CDKAL1: variants seen among roughly 807,000 people sequenced by gnomAD.
CDKAL1 encodes CDKAL1 threonylcarbamoyladenosine tRNA methylthiotransferase, also known as threonylcarbamoyladenosine tRNA methylthiotransferase.
CDKAL1 carries 32 observed loss-of-function variants against 68.2 expected under a neutral mutation model. That is an observed-to-expected ratio of 0.47 (90% confidence interval 0.35 to 0.63). The LOEUF (loss-of-function observed/expected upper bound fraction) is 0.63, where lower values mean the gene tolerates loss of function less well. Ranked by LOEUF, CDKAL1 falls within the 30% of genes least tolerant of loss-of-function variation. CDKAL1 has a pLI of 0.00. For missense variants in CDKAL1, 606 were observed against 696.7 expected (o/e 0.87, Z 1.47); for synonymous variants, 234 against 244.3 (o/e 0.96, Z 0.39).
At chr6:20,754,438 A>G (rs1322947225) in intron 6 of CDKAL1, among the ~76,000 whole-genome samples, 4 of 152,196 alleles carry the variant, frequency 2.6e-5, no homozygotes, top group Non-Finnish European at 4.4e-5. Flanking sequence ...AGTCATCACC[A>G]CTATCCATCT....
intron 4 of CDKAL1, among the ~76,000 whole-genome samples, chr6:20,603,846 G>A (rs12213940): frequency 0.13 from 17,701 of 135,426 alleles, 1,227 homozygotes; most frequent in Middle Eastern, 0.25. Flanking sequence ...GTGTGATACC[G>A]GCTCACTGCA....
At chr6:20,740,275 G>A (rs1285594905) in intron 6 of CDKAL1, among the ~76,000 whole-genome samples, 1 of 151,976 alleles carries the variant, frequency 6.6e-6, no homozygotes, top group East Asian at 1.9e-4. Flanking sequence ...AGTGTTTGTT[G>A]ATTGCCTGAA....
chr6:20,657,019 T>C (rs529354174), intron 5 of CDKAL1, among the ~76,000 whole-genome samples: 4 of 152,322 alleles, frequency 2.6e-5, no homozygotes, highest in East Asian at 3.9e-4. Flanking sequence ...ACAGTTAACA[T>C]TGGGAAAATA....
intron 7 of CDKAL1, among the ~76,000 whole-genome samples, chr6:20,779,926 A>G (rs1183996269): frequency 2.6e-5 from 4 of 151,844 alleles, no homozygotes; most frequent in African/African-American, 7.3e-5. Context: ...TTTATAGGCT[A>G]TGGGATATAC....
intron 5 of CDKAL1, among the ~76,000 whole-genome samples, chr6:20,653,812 C>T (rs1349109000): frequency 6.6e-6 from 1 of 152,130 alleles, no homozygotes; most frequent in African/African-American, 2.4e-5. Flanking sequence ...GGAGTTTCAC[C>T]ATGTTGGCCA....
intron 9 of CDKAL1, among the ~76,000 whole-genome samples, chr6:20,866,608 G>A (rs1759922684): frequency 6.6e-6 from 1 of 152,148 alleles, no homozygotes; most frequent in Non-Finnish European, 1.5e-5. Context: ...TTTAAGGCCA[G>A]GAGTTAGTGG....
intron 10 of CDKAL1, 65 bp downstream of exon 10, chr6:20,955,650 C>T: frequency 7.1e-7 from 1 of 1,407,400 alleles, no homozygotes; most frequent in Non-Finnish European, 9.8e-7. Context: ...GTGTGGCAGC[C>T]TCAGTATCAT....
chr6:20,981,869 C>G (rs1343995777), intron 10 of CDKAL1, among the ~76,000 whole-genome samples: 1 of 152,074 alleles, frequency 6.6e-6, no homozygotes, highest in African/African-American at 2.4e-5. Context: ...TTGATGGTCC[C>G]CATCACTCTC....
At chr6:20,643,316 A>C (rs371779324) in intron 4 of CDKAL1, among the ~76,000 whole-genome samples, 14 of 152,248 alleles carry the variant, frequency 9.2e-5, no homozygotes, top group East Asian at 7.7e-4. Context: ...AGAAGGTGTT[A>C]ACCTCTTAGC....
rs772301646 is a variant in CDKAL1, at chr6:20,792,397, T to C, written c.638+11132T>C. On this transcript the variant is annotated intron_variant, in intron 8 of 15. Coordinates refer to ENST00000274695, the MANE Select transcript of CDKAL1 (RefSeq NM_017774.3). ...CCTTTGTGATTTGTAATGTATATTT[T>C]TGTGGTTCTTTTTAGGTTAACCTTA... Among the ~76,000 whole-genome samples, 222 of 152,330 alleles carry C rather than the reference T, an allele frequency of 1.5e-3. 2 individuals carry two copies. The highest frequency in any genetic ancestry group is 3.4e-3 in the Middle Eastern group (1 of 294).
At chr6:20,630,379 C>T (rs1767622471) in intron 4 of CDKAL1, among the ~76,000 whole-genome samples, 2 of 152,116 alleles carry the variant, frequency 1.3e-5, no homozygotes, top group Admixed American at 1.3e-4. Context: ...AGCTCAGCCA[C>T]CTGCTTTTAT....
intron 4 of CDKAL1, among the ~76,000 whole-genome samples, chr6:20,623,714 T>G (rs1251018518): frequency 6.6e-6 from 1 of 152,254 alleles, no homozygotes; most frequent in East Asian, 1.9e-4. Context: ...AATAGCAGTA[T>G]GCAGTAGACC....
chr6:20,769,032 G>A (rs763669877), intron 7 of CDKAL1, among the ~76,000 whole-genome samples: 7 of 151,976 alleles, frequency 4.6e-5, no homozygotes, highest in East Asian at 1.9e-4. Context: ...TCACTCAGGC[G>A]TCCTGAGGTG....
intron 13 of CDKAL1, among the ~76,000 whole-genome samples, chr6:21,147,169 C>T (rs969198372): frequency 9.2e-5 from 14 of 152,182 alleles, no homozygotes; most frequent in African/African-American, 2.2e-4. Flanking sequence ...AGGACCATTT[C>T]GAGTTTTTAA....
In CDKAL1 at chr6:20,716,140, T is replaced by A. The variant is rs554505006; in HGVS notation, c.372-23379T>A. Among the ~76,000 whole-genome samples the A allele has an allele frequency of 6.6e-5, 10 of 152,250 alleles. No homozygotes were observed. In the South Asian group the frequency reaches 2.1e-3, roughly 32 times the overall value. ...TGTTCTGGTTTGGTGCACACTGTGA[T>A]GAATAAGAGAGTTTCTCAGCCTTGT... On this transcript the variant is annotated intron_variant, in intron 5 of 15. Transcript: ENST00000274695.
intron 12 of CDKAL1, among the ~76,000 whole-genome samples, chr6:21,094,703 A>T (rs922948231): frequency 3.3e-5 from 5 of 152,264 alleles, no homozygotes; most frequent in African/African-American, 1.2e-4. Context: ...TGATAGAAGA[A>T]GCCAATAGAT....
chr6:20,554,655 C>T (rs921182372), intron 4 of CDKAL1, among the ~76,000 whole-genome samples: 9 of 152,130 alleles, frequency 5.9e-5, no homozygotes, highest in Admixed American at 3.9e-4. Context: ...CTCTTCAGAA[C>T]CTCACAATCC....
At chr6:21,164,320 A>G (rs1227883284) in intron 13 of CDKAL1, among the ~76,000 whole-genome samples, 1 of 152,020 alleles carries the variant, frequency 6.6e-6, no homozygotes, top group Non-Finnish European at 1.5e-5. Flanking sequence ...CACTCATTTT[A>G]CTAGCATTTA....
intron 13 of CDKAL1, among the ~76,000 whole-genome samples, chr6:21,121,296 T>TC (rs1414357664): frequency 2.0e-5 from 3 of 152,196 alleles, no homozygotes; most frequent in Admixed American, 2.0e-4. Flanking sequence ...TTCTGACTCT[T>TC]CCACTTGCAA....
Sources: gnomAD v4.1 joint callset for allele counts (sites outside exome capture counted in the v4.1 genomes callset) on GRCh38, gnomAD v4.1.1 for gene constraint, MANE v1.5 for transcripts, NCBI Gene and HGNC (gene_info 2026-07-23, HGNC 2026-07-21) for gene names.